SCGB2B2: variants seen among roughly 807,000 people sequenced by gnomAD.
SCGB2B2 encodes the protein secretoglobin family 2B member 2, also known as secretoglobin-like protein.
Under a neutral mutation model 7.6 loss-of-function variants are expected in SCGB2B2, and 11 were observed. The observed-to-expected ratio is 1.45, with a 90% CI of 0.91 to 2.40. SCGB2B2 has a LOEUF of 2.40. Ranked by LOEUF, SCGB2B2 falls within the 30% of genes most tolerant of loss-of-function variation. The pLI is 0.00. For missense variants in SCGB2B2, 104 were observed against 115.4 expected (o/e 0.90, Z 0.45); for synonymous variants, 50 against 48.6 (o/e 1.03, Z -0.12).
At position 34,676,070 on chromosome 19, in the gene SCGB2B2, C is replaced by T. The variant is rs2067933212; in HGVS notation, c.-2472G>A. On this transcript the variant is annotated 5_prime_UTR_variant, in exon 1 of 4. Transcript: ENST00000601241. ...TGTTCGGGTGGCCCGTTTTTATTCCCTTATTTGGCCCCGCCCACATCCTGC... is the reference window on the plus strand; with the variant it reads ...TGTTCGGGTGGCCCGTTTTTATTCCTTTATTTGGCCCCGCCCACATCCTGC... 6.6e-6 allele frequency: 1 copy of T among 152,228 alleles called. No homozygotes were observed. Among genetic ancestry groups the T allele is most frequent in the African/African-American group, 2.4e-5 (1 of 41,444 alleles). The allele number at this position is 152,228 out of a possible 1,614,324, so 9.4% of individuals were successfully genotyped here. A position where few individuals can be genotyped will look rare whatever the true frequency, so the allele number is the denominator to read the frequency against.
chr19:34,625,966 T>G (rs201339959), intron 1 of SCGB2B2, among the ~76,000 whole-genome samples: 2 of 152,174 alleles, frequency 1.3e-5, no homozygotes, highest in African/African-American at 4.8e-5. Context: ...TTCACCCATA[T>G]CCGCTGTTCT....
chr19:34,647,748 G>C (rs1006694314), intron 1 of SCGB2B2, among the ~76,000 whole-genome samples: 2 of 152,190 alleles, frequency 1.3e-5, no homozygotes, highest in African/African-American at 4.8e-5. Context: ...CCAAGGTGAA[G>C]AGGGGGTTGT....
At chr19:34,621,611 T>G (rs570739284) in intron 1 of SCGB2B2, among the ~76,000 whole-genome samples, 1 of 152,292 alleles carries the variant, frequency 6.6e-6, no homozygotes, top group East Asian at 1.9e-4. Flanking sequence ...CATAAAAATC[T>G]TTTAAATATA....
intron 1 of SCGB2B2, among the ~76,000 whole-genome samples, chr19:34,612,567 A>C (rs1397512146): frequency 6.6e-6 from 1 of 152,208 alleles, no homozygotes; most frequent in Non-Finnish European, 1.5e-5. Flanking sequence ...CTGTTGTGCT[A>C]TCAAATACTA....
chr19:34,623,443 GTCC>G, intron 1 of SCGB2B2, among the ~76,000 whole-genome samples: 1 of 152,270 alleles, frequency 6.6e-6, no homozygotes, highest in Middle Eastern at 3.4e-3. Flanking sequence ...TAGAAAGGGC[GTCC>G]TCCTTCTCCT....
At chr19:34,669,421 C>T (rs1047019992) in intron 1 of SCGB2B2, among the ~76,000 whole-genome samples, 4 of 152,194 alleles carry the variant, frequency 2.6e-5, no homozygotes, top group East Asian at 1.9e-4. Flanking sequence ...TTTGTTGAAC[C>T]GGCACTCGGT....
intron 1 of SCGB2B2, among the ~76,000 whole-genome samples, chr19:34,603,473 C>T (rs191187163): frequency 6.6e-6 from 1 of 152,306 alleles, no homozygotes; most frequent in East Asian, 1.9e-4. Context: ...CCATACACCA[C>T]TCACTGCCCT....
chr19:34,631,291 T>G (rs1231276393), intron 1 of SCGB2B2, among the ~76,000 whole-genome samples: 1 of 150,644 alleles, frequency 6.6e-6, no homozygotes, highest in Non-Finnish European at 1.5e-5. Flanking sequence ...GTAAACTTTC[T>G]TAGAACATTA....
chr19:34,668,661 T>C (rs1164306347), intron 1 of SCGB2B2, among the ~76,000 whole-genome samples: 1 of 152,134 alleles, frequency 6.6e-6, no homozygotes, highest in African/African-American at 2.4e-5. Flanking sequence ...GGATTGTAAA[T>C]ACACCAGTCA....
At chr19:34,669,830 C>A (rs2067754399) in intron 1 of SCGB2B2, among the ~76,000 whole-genome samples, 1 of 151,810 alleles carries the variant, frequency 6.6e-6, no homozygotes, top group Non-Finnish European at 1.5e-5. Flanking sequence ...TTATTATTTA[C>A]ATTTCCCGGG....
rs368422131 is a variant in SCGB2B2 at position 34,669,468 on chromosome 19, CAT to C, written c.-2032+6160_-2032+6161del. Among the ~76,000 whole-genome samples the C allele has an allele frequency of 1.1e-4, 16 of 152,344 alleles. No individual in the cohort carries two copies. In the East Asian group the frequency reaches 1.5e-3, roughly 15 times the overall value. On this transcript the variant is annotated intron_variant, in intron 1 of 3. Transcript: ENST00000601241. ...TGCTAGGGCGTGCCAAGTGCAGACA[CAT>C]GTTTGCCAAGACACACCGTTATGCC...
At chr19:34,634,844 A>ATCTG in intron 1 of SCGB2B2, 2 of 254,940 alleles carry the variant, frequency 7.8e-6, no homozygotes, top group South Asian at 6.5e-5. Context: ...CGCTGCACAC[A>ATCTG]TAGGGCCTTT....
intron 1 of SCGB2B2, among the ~76,000 whole-genome samples, chr19:34,604,371 AG>A (rs2065719074): frequency 6.6e-6 from 1 of 152,220 alleles, no homozygotes; most frequent in South Asian, 2.1e-4. Flanking sequence ...ATGGTTCTTT[AG>A]GGTGAGCCCC....
chr19:34,668,912 T>C (rs1450525288), intron 1 of SCGB2B2, among the ~76,000 whole-genome samples: 7 of 152,148 alleles, frequency 4.6e-5, no homozygotes, highest in Admixed American at 4.6e-4. Context: ...TGGGGCCAGA[T>C]AAGAGAGTAA....
intron 1 of SCGB2B2, among the ~76,000 whole-genome samples, chr19:34,603,273 G>A (rs1174674455): frequency 6.6e-6 from 1 of 152,188 alleles, no homozygotes; most frequent in Admixed American, 6.5e-5. Flanking sequence ...CACCATTCAG[G>A]AGGATAGTTA....
At chr19:34,611,792 G>T (rs975401666) in intron 1 of SCGB2B2, among the ~76,000 whole-genome samples, 6 of 151,390 alleles carry the variant, frequency 4.0e-5, no homozygotes, top group African/African-American at 1.5e-4. Flanking sequence ...TGGGATTACA[G>T]GTGCCTGCTA....
chr19:34,672,688 T>C (rs920592054), intron 1 of SCGB2B2, among the ~76,000 whole-genome samples: 3 of 152,210 alleles, frequency 2.0e-5, no homozygotes, highest in African/African-American at 7.2e-5. Context: ...GTCTGAATAT[T>C]TGTATCCCCC....
intron 1 of SCGB2B2, among the ~76,000 whole-genome samples, chr19:34,618,388 T>A (rs1379935779): frequency 6.6e-6 from 1 of 152,262 alleles, no homozygotes; most frequent in Non-Finnish European, 1.5e-5. Context: ...GTTACTCAAA[T>A]ACATGGGCCC....
chr19:34,638,466 C>T (rs1600059447), intron 1 of SCGB2B2, among the ~76,000 whole-genome samples: 1 of 149,404 alleles, frequency 6.7e-6, no homozygotes, highest in Non-Finnish European at 1.5e-5. Context: ...AAAAGGAACA[C>T]CCATCCCCCC....
Sources: allele counts gnomAD v4.1 joint callset (sites outside exome capture counted in the v4.1 genomes callset), GRCh38; gene constraint gnomAD v4.1.1; transcripts MANE v1.5; gene names NCBI Gene and HGNC (gene_info 2026-07-23, HGNC 2026-07-21).